Variants in KLRG1 observed in about 807,000 individuals in gnomAD.
KLRG1 encodes killer cell lectin like receptor G1.
Under a neutral mutation model 21.8 loss-of-function variants are expected in KLRG1, and 16 were observed. The observed-to-expected ratio is 0.73, with a 90% CI of 0.50 to 1.11. The LOEUF (loss-of-function observed/expected upper bound fraction) is 1.11, where lower values mean the gene tolerates loss of function less well. KLRG1 is among the 50% of genes most tolerant of loss of function. KLRG1 has a pLI of 0.00. For missense variants in KLRG1, 173 were observed against 218.3 expected, an observed-to-expected ratio of 0.79 and a Z score of 1.31; for synonymous variants, 69 against 75.9, an observed-to-expected ratio of 0.91 and a Z score of 0.47.
At chr12:9,093,102 G>T in the KLRG1 span, among the ~76,000 whole-genome samples, 1 of 152,174 alleles carries the variant, frequency 6.6e-6, no homozygotes, top group Non-Finnish European at 1.5e-5. Context: ...GCAGGGATGG[G>T]AAGAAGCAGG....
the KLRG1 span, chr12:9,152,146 T>G: frequency 2.8e-6 from 3 of 1,082,328 alleles, no homozygotes; most frequent in South Asian, 3.8e-5. Context: ...ATGGTTTTGA[T>G]ATTGGTATGG....
the KLRG1 span, chr12:9,202,558 T>C: frequency 6.2e-7 from 1 of 1,614,042 alleles, no homozygotes; most frequent in African/African-American, 1.3e-5. Context: ...GGTTTGTCTG[T>C]CTGGACAAAG....
the KLRG1 span, among the ~76,000 whole-genome samples, chr12:9,143,463 AG>A: frequency 1.3e-5 from 2 of 152,084 alleles, no homozygotes; most frequent in African/African-American, 4.8e-5. Context: ...TAGGGTCAAA[AG>A]GGGTTTCAGA....
chr12:9,154,672 TGTTA>T, the KLRG1 span: 2 of 1,614,008 alleles, frequency 1.2e-6, no homozygotes, highest in Non-Finnish European at 1.7e-6. Flanking sequence ...CACTTCACAA[TGTTA>T]GTTGCAGAGG....
the KLRG1 span, among the ~76,000 whole-genome samples, chr12:9,120,600 G>T: frequency 6.6e-6 from 1 of 152,150 alleles, no homozygotes; most frequent in Non-Finnish European, 1.5e-5. Context: ...CATTGTCCTT[G>T]AAAAGAGAAC....
chr12:9,149,006 A>G, the KLRG1 span: 1 of 1,610,008 alleles, frequency 6.2e-7, no homozygotes, highest in Non-Finnish European at 8.5e-7. Context: ...TATGGAGAAA[A>G]GAAAAACGTA....
rs1301693247 is a variant in KLRG1, at chr12:9,009,697, C to G, written c.*160C>G. On this transcript the variant is annotated 3_prime_UTR_variant, in exon 5 of 5. Transcript: ENST00000356986. ...AAGACAACCTCCTAGGGATTGATGCCTAACTGATGGATTCTCTTTGAGACT... is the reference window on the plus strand; with the variant it reads ...AAGACAACCTCCTAGGGATTGATGCGTAACTGATGGATTCTCTTTGAGACT... The G allele has an allele frequency of 1.4e-6, 2 of 1,427,272 alleles. No individual in the cohort carries two copies. The highest frequency in any genetic ancestry group is 2.6e-4 in the Middle Eastern group (1 of 3,888). 88.4% of individuals were successfully genotyped at this position (1,427,272 alleles called of 1,614,324 possible). A position where few individuals can be genotyped will look rare whatever the true frequency, so the allele number is the denominator to read the frequency against.
intron 4 of KLRG1, 38 bp downstream of exon 4, chr12:9,009,113 G>A: frequency 6.7e-7 from 1 of 1,500,942 alleles, no homozygotes; most frequent in East Asian, 2.3e-5. Flanking sequence ...AAGAGAGAGA[G>A]GAAAAAGGAA....
chr12:9,170,685 A>G, the KLRG1 span, among the ~76,000 whole-genome samples: 2 of 152,100 alleles, frequency 1.3e-5, no homozygotes, highest in South Asian at 4.1e-4. This position sits in a 1 kb window ranked among gnomAD's most constrained non-coding sequence, Gnocchi z 4.6. Flanking sequence ...GATGGTCTGG[A>G]TGAGGAACGG....
At chr12:9,082,909 A>T in the KLRG1 span, among the ~76,000 whole-genome samples, 1 of 152,220 alleles carries the variant, frequency 6.6e-6, no homozygotes, top group African/African-American at 2.4e-5. Flanking sequence ...TAGCAGCATG[A>T]TTTATAATCC....
At position 9,009,975 on chromosome 12, in the gene KLRG1, G is replaced by T. The variant is rs1481824175; in HGVS notation, c.*438G>T. On this transcript the variant is annotated 3_prime_UTR_variant, in exon 5 of 5. Transcript: ENST00000356986. ...ACTCCTCTGTACATTACTGATCCCTGATGGTATATTTCTATCCTAACAGTG... is the reference window on the plus strand; with the variant it reads ...ACTCCTCTGTACATTACTGATCCCTTATGGTATATTTCTATCCTAACAGTG... The T allele has an allele frequency of 6.5e-7, 1 of 1,532,958 alleles. No homozygotes were observed. The highest frequency in any genetic ancestry group is 1.2e-5 in the South Asian group (1 of 83,942). The allele number at this position is 1,532,958 out of a possible 1,614,324, so 95.0% of individuals were successfully genotyped here. A position where few individuals can be genotyped will look rare whatever the true frequency, so the allele number is the denominator to read the frequency against.
At chr12:9,146,774 GT>G in the KLRG1 span, among the ~76,000 whole-genome samples, 1 of 152,140 alleles carries the variant, frequency 6.6e-6, no homozygotes, top group Non-Finnish European at 1.5e-5. Flanking sequence ...GGGAGTTATA[GT>G]GTTCACCACT....
the KLRG1 span, chr12:9,159,999 G>A: frequency 1.9e-5 from 30 of 1,613,804 alleles, no homozygotes; most frequent in Non-Finnish European, 2.4e-5. Context: ...CCATCTTGGT[G>A]TTTGTAGTTC....
the KLRG1 span, among the ~76,000 whole-genome samples, chr12:9,151,351 C>T: frequency 2.6e-5 from 4 of 152,108 alleles, no homozygotes; most frequent in East Asian, 1.9e-4. Context: ...ACATGGTACA[C>T]CTTTTTTCTA....
the KLRG1 span, among the ~76,000 whole-genome samples, chr12:9,045,585 A>G: frequency 6.6e-5 from 10 of 152,250 alleles, no homozygotes; most frequent in Non-Finnish European, 2.9e-5. Context: ...GAAATTTAAA[A>G]TAATGATTAT....
At chr12:9,029,052 C>A in the KLRG1 span, 1 of 540,782 alleles carries the variant, frequency 1.8e-6, no homozygotes. Context: ...GAGCTTCCTC[C>A]GCTGGTCAGG....
At chr12:9,008,831 G>A (rs1947554275) in intron 3 of KLRG1, 144 bp from the exon 4 acceptor site, 3 of 612,416 alleles carry the variant, frequency 4.9e-6, no homozygotes, top group Non-Finnish European at 8.8e-6. Flanking sequence ...CAGTCCTTAA[G>A]AGTGGTGATG....
At chr12:9,120,785 A>C in the KLRG1 span, among the ~76,000 whole-genome samples, 1 of 152,158 alleles carries the variant, frequency 6.6e-6, no homozygotes, top group Non-Finnish European at 1.5e-5. Context: ...TGAAGGAAAT[A>C]TATATCTACA....
the KLRG1 span, chr12:9,201,280 C>A: frequency 6.7e-7 from 1 of 1,482,070 alleles, no homozygotes. Context: ...ACCTCCTACT[C>A]TCTAAAAGCA....
Sources: gnomAD v4.1 joint callset for allele counts (sites outside exome capture counted in the v4.1 genomes callset) on GRCh38, gnomAD v4.1.1 for gene constraint, Gnocchi (gnomAD v3.1) non-coding constraint, MANE v1.5 for transcripts, NCBI Gene and HGNC (gene_info 2026-07-23, HGNC 2026-07-21) for gene names.